Variants in NBEA observed in about 807,000 individuals in gnomAD.
NBEA encodes the protein lysosomal-trafficking regulator 2.
NBEA carries 44 observed loss-of-function variants against 343.4 expected under a neutral mutation model. That is an observed-to-expected ratio of 0.13 (90% CI 0.10 to 0.16). The LOEUF is 0.16. NBEA is among the 10% of genes least tolerant of loss of function. The pLI is 1.00. For missense variants in NBEA, 2,555 were observed against 3,631.3 expected, an observed-to-expected ratio of 0.70 and a Z score of 7.62; for synonymous variants, 1,175 against 1,238.7, an observed-to-expected ratio of 0.95 and a Z score of 1.08.
chr13:35,041,091 A>G lies in NBEA; in HGVS notation c.453A>G (p.Leu151=). 1.9e-6 allele frequency: 3 copies of G among 1,613,130 alleles called. No individual in the cohort carries two copies. Among genetic ancestry groups the G allele is most frequent in the Non-Finnish European group, 1.7e-6 (2 of 1,179,444 alleles). ...TTCTACGAAAAAGTGTTCGGAATTT[A>G]CAGACTAGCACAGAAGTTGGGCTAA... ...TAILRKSVRN[L]QTSTEVGLIE... The change falls in exon 2 of 59, where the codon TTA becomes TTG. Residue 151 remains leucine, a synonymous_variant. Coordinates refer to ENST00000379939, the MANE Select transcript of NBEA (RefSeq NM_001385012.1).
At chr13:35,122,710 A>G (rs1440805686) in intron 16 of NBEA, among the ~76,000 whole-genome samples, 1 of 152,196 alleles carries the variant, frequency 6.6e-6, no homozygotes, top group African/African-American at 2.4e-5. Flanking sequence ...CCTAGAACTT[A>G]AAGTATATAA....
chr13:35,649,804 T>C lies in NBEA; in HGVS notation c.7920T>C (p.Thr2640=). 6.2e-7 allele frequency: 1 copy of C among 1,614,072 alleles called. No homozygotes were observed. The change falls in exon 52 of 59, where the codon ACT becomes ACC. Residue 2640 remains threonine (T), a synonymous_variant. Transcript: ENST00000379939. ...CCATCCCCGCAGTGGTGACAGTGAC[T>C]TGCAGCCGACTCTTTGCAGTGAATA... is the stretch of plus-strand genomic sequence containing the variant. ...HLTIPAVVTV[T]CSRLFAVNRW...
At chr13:35,525,464 A>T (rs2077924486) in intron 41 of NBEA, among the ~76,000 whole-genome samples, 1 of 152,140 alleles carries the variant, frequency 6.6e-6, no homozygotes, top group South Asian at 2.1e-4. Flanking sequence ...GAGGAAGGAG[A>T]ATCACTTGAA....
intron 10 of NBEA, among the ~76,000 whole-genome samples, chr13:35,086,335 C>T (rs1202545577): frequency 6.6e-6 from 1 of 151,942 alleles, no homozygotes; most frequent in Non-Finnish European, 1.5e-5. Flanking sequence ...GAAATGTGCC[C>T]TACATTGTTG....
intron 31 of NBEA, among the ~76,000 whole-genome samples, chr13:35,205,645 A>G (rs1435770362): frequency 6.6e-6 from 1 of 152,058 alleles, no homozygotes; most frequent in Non-Finnish European, 1.5e-5. Context: ...TGACAATAGC[A>G]GAGTATATGA....
At chr13:35,038,949 A>T (rs1207540494) in intron 1 of NBEA, among the ~76,000 whole-genome samples, 1 of 152,144 alleles carries the variant, frequency 6.6e-6, no homozygotes, top group Non-Finnish European at 1.5e-5. Context: ...TATGAGGTAC[A>T]GTCCTTATGG....
At chr13:35,300,644 C>T (rs917911801) in intron 35 of NBEA, among the ~76,000 whole-genome samples, 2 of 152,074 alleles carry the variant, frequency 1.3e-5, no homozygotes, top group African/African-American at 2.4e-5. Flanking sequence ...ATTCTTAGAC[C>T]TTACTCCTAT....
At chr13:35,045,789 G>A (rs1403122875) in intron 4 of NBEA, among the ~76,000 whole-genome samples, 11 of 151,966 alleles carry the variant, frequency 7.2e-5, no homozygotes, top group African/African-American at 1.5e-4. Context: ...GTTCAGTGGC[G>A]TGATCTTGGC....
chr13:35,395,185 A>C (rs1399743440), intron 38 of NBEA, among the ~76,000 whole-genome samples: 1 of 152,006 alleles, frequency 6.6e-6, no homozygotes, highest in African/African-American at 2.4e-5. Flanking sequence ...CTTGTCAAAC[A>C]TAATGATATG....
rs192169448 is a variant in NBEA at position 35,508,924 on chromosome 13, C to A, written c.6585+36388C>A. 3.9e-5 allele frequency among the ~76,000 whole-genome samples: 6 copies of A among 152,270 alleles called. No individual in the cohort carries two copies. In the East Asian group the frequency reaches 1.2e-3, roughly 29 times the overall value. On this transcript the variant is annotated intron_variant, in intron 41 of 58. Transcript: ENST00000379939. ...CATGGCTAAACTGGGGCTCCAATAT[C>A]AGAGTGTCTAGCAATCATGCCCTAA...
chr13:35,399,251 G>C (rs1288095753), intron 38 of NBEA, among the ~76,000 whole-genome samples: 1 of 152,206 alleles, frequency 6.6e-6, no homozygotes, highest in East Asian at 1.9e-4. Flanking sequence ...CAGCAATAAG[G>C]CTATTTTGCT....
Position 34,966,465 on chromosome 13 carries a change from T to C in NBEA, c.294+23351T>C, listed in dbSNP as rs139244704. Reference sequence around the variant, plus strand: ...ACTCTCTACATTTATATTTGTAGGATTAATGAATAAATACTATTAGAATCC... The same window carrying C: ...ACTCTCTACATTTATATTTGTAGGACTAATGAATAAATACTATTAGAATCC... On this transcript the variant is annotated intron_variant, in intron 1 of 58. Transcript: ENST00000379939. Among the ~76,000 whole-genome samples the C allele has an allele frequency of 1.3e-3, 194 of 152,174 alleles. 1 individual carries two copies. Among genetic ancestry groups the C allele is most frequent in the African/African-American group, 4.3e-3 (180 of 41,528 alleles).
intron 41 of NBEA, 108 bp downstream of exon 41, chr13:35,472,644 C>T (rs1325444653): frequency 5.6e-6 from 6 of 1,070,878 alleles, no homozygotes; most frequent in Non-Finnish European, 7.0e-6. Flanking sequence ...ACATTCTCCT[C>T]TTTCTCATAG....
At chr13:35,444,864 A>G (rs1289281098) in intron 39 of NBEA, among the ~76,000 whole-genome samples, 1 of 152,132 alleles carries the variant, frequency 6.6e-6, no homozygotes, top group African/African-American at 2.4e-5. Flanking sequence ...ATATCTTTAA[A>G]TGAATAAAAT....
At chr13:35,222,899 C>T (rs991023964) in intron 33 of NBEA, among the ~76,000 whole-genome samples, 8 of 152,056 alleles carry the variant, frequency 5.3e-5, no homozygotes, top group African/African-American at 1.4e-4. Context: ...GAGGCTGAGG[C>T]GGGTGAATCA....
At chr13:34,962,929 A>G (rs1464253055) in intron 1 of NBEA, among the ~76,000 whole-genome samples, 2 of 152,118 alleles carry the variant, frequency 1.3e-5, no homozygotes, top group Non-Finnish European at 2.9e-5. Flanking sequence ...ATTGAATACT[A>G]GAACTCCAGA....
intron 1 of NBEA, among the ~76,000 whole-genome samples, chr13:34,948,264 A>T (rs1193746844): frequency 6.6e-6 from 1 of 152,178 alleles, no homozygotes; most frequent in African/African-American, 2.4e-5. Flanking sequence ...AGGGTCAGAC[A>T]TCTAACCTAG....
At chr13:35,392,470 GT>G (rs1051128333) in intron 38 of NBEA, among the ~76,000 whole-genome samples, 1 of 143,746 alleles carries the variant, frequency 7.0e-6, no homozygotes, top group Non-Finnish European at 1.5e-5. Context: ...TGTGTGTGTG[GT>G]TTTGTTTTTT....
intron 38 of NBEA, among the ~76,000 whole-genome samples, chr13:35,352,959 G>A (rs1340041740): frequency 6.6e-6 from 1 of 152,018 alleles, no homozygotes; most frequent in African/African-American, 2.4e-5. Context: ...AAGTTTTCTG[G>A]AAAACTAGAA....
Sources: gnomAD v4.1 joint callset for allele counts (sites outside exome capture counted in the v4.1 genomes callset) on GRCh38, gnomAD v4.1.1 for gene constraint, MANE v1.5 for transcripts, NCBI Gene and HGNC (gene_info 2026-07-23, HGNC 2026-07-21) for gene names.